CNTNAP2: variants seen among roughly 807,000 people sequenced by gnomAD.
CNTNAP2 encodes the protein contactin associated protein 2.
Under a neutral mutation model 155.2 loss-of-function variants are expected in CNTNAP2, and 98 were observed. The ratio of observed to expected loss-of-function variants is 0.63; its 90% confidence interval spans 0.54 to 0.75. The LOEUF (loss-of-function observed/expected upper bound fraction) is 0.75, where lower values mean the gene tolerates loss of function less well. Ranked by LOEUF, CNTNAP2 falls within the 30% of genes least tolerant of loss-of-function variation. The pLI is 0.00. For missense variants in CNTNAP2, 1,727 were observed against 1,688.1 expected (o/e 1.02, Z -0.40); for synonymous variants, 651 against 631.2 (o/e 1.03, Z -0.47).
chr7:147,618,084 T>C (rs1801325630), intron 12 of CNTNAP2, among the ~76,000 whole-genome samples: 1 of 152,192 alleles, frequency 6.6e-6, no homozygotes, highest in Non-Finnish European at 1.5e-5. Context: ...ATTATTAAGA[T>C]ACAGTTGCTA....
intron 3 of CNTNAP2, among the ~76,000 whole-genome samples, chr7:146,901,818 A>G (rs981355474): frequency 6.7e-6 from 1 of 148,466 alleles, no homozygotes; most frequent in Non-Finnish European, 1.5e-5. Context: ...ACTTTGAAGG[A>G]GTATATTTGT....
At chr7:146,923,296 A>C (rs143505920) in intron 3 of CNTNAP2, among the ~76,000 whole-genome samples, 244 of 152,316 alleles carry the variant, frequency 1.6e-3, no homozygotes, top group African/African-American at 5.6e-3. Context: ...TTTACTTAAC[A>C]CATGTTCACT....
At chr7:146,284,977 C>T (rs569626914) in intron 1 of CNTNAP2, among the ~76,000 whole-genome samples, 34 of 152,262 alleles carry the variant, frequency 2.2e-4, no homozygotes, top group African/African-American at 7.5e-4. Context: ...CATTTGGTTT[C>T]CCAATGATGT....
chr7:147,788,981 T>C (rs1797778912), intron 13 of CNTNAP2, among the ~76,000 whole-genome samples: 1 of 145,742 alleles, frequency 6.9e-6, no homozygotes, highest in Non-Finnish European at 1.5e-5. Flanking sequence ...CTTGGCTCAC[T>C]GCAACCTCTG....
intron 15 of CNTNAP2, among the ~76,000 whole-genome samples, chr7:148,086,908 G>A (rs1803743276): frequency 1.3e-5 from 2 of 152,038 alleles, no homozygotes. Context: ...TTACTACCAT[G>A]ATGTCTTCAC....
chr7:147,724,277 A>G (rs762378661), intron 13 of CNTNAP2, among the ~76,000 whole-genome samples: 14 of 152,008 alleles, frequency 9.2e-5, no homozygotes, highest in Non-Finnish European at 1.9e-4. Flanking sequence ...TATTTGTACA[A>G]TACAGGCTTT....
At chr7:147,072,782 G>A (rs531203781) in intron 4 of CNTNAP2, among the ~76,000 whole-genome samples, 4 of 148,514 alleles carry the variant, frequency 2.7e-5, no homozygotes, top group Non-Finnish European at 6.0e-5. Flanking sequence ...CACATCTGTT[G>A]TTTTTTTTAT....
intron 9 of CNTNAP2, among the ~76,000 whole-genome samples, chr7:147,346,049 C>T (rs1446513219): frequency 6.6e-6 from 1 of 152,108 alleles, no homozygotes; most frequent in Non-Finnish European, 1.5e-5. Flanking sequence ...AAACGTATTA[C>T]ATTTCTACAA....
intron 3 of CNTNAP2, among the ~76,000 whole-genome samples, chr7:146,948,580 A>T (rs1797241134): frequency 6.6e-6 from 1 of 152,194 alleles, no homozygotes; most frequent in Non-Finnish European, 1.5e-5. Flanking sequence ...AAACATTCCA[A>T]AACATATGTT....
In CNTNAP2 at chr7:147,229,794, A is replaced by G. The variant is rs146171450; in HGVS notation, c.1349-70347A>G. On this transcript the variant is annotated intron_variant, in intron 8 of 23. Coordinates refer to ENST00000361727, the MANE Select transcript of CNTNAP2 (RefSeq NM_014141.6). ...TCCTGATGTAACAAATACATATTAT[A>G]ACTGAAATTGCAATATAATAAATTA... Among the ~76,000 whole-genome samples, 641 of 152,352 alleles carry G rather than the reference A, an allele frequency of 4.2e-3. 3 individuals are homozygous for G. Among genetic ancestry groups the G allele is most frequent in the African/African-American group, 0.015 (608 of 41,570 alleles).
intron 4 of CNTNAP2, among the ~76,000 whole-genome samples, chr7:147,053,093 C>T (rs1010630094): frequency 6.6e-6 from 1 of 152,008 alleles, no homozygotes; most frequent in African/African-American, 2.4e-5. Flanking sequence ...CTGGTCTGTA[C>T]ATATAAATAT....
In CNTNAP2 at chr7:146,591,674, C is replaced by A. The variant is rs144991211; in HGVS notation, c.98-182597C>A. 2.7e-3 allele frequency among the ~76,000 whole-genome samples: 418 copies of A among 152,156 alleles called. 3 individuals are homozygous for A. Among genetic ancestry groups the A allele is most frequent in the African/African-American group, 9.4e-3 (392 of 41,522 alleles). Reference sequence around the variant, plus strand: ...TATCTATTTTATTGGCTTCTTTTTCCCAATGCAATATTTGTGATGAAGTGT... The same window carrying A: ...TATCTATTTTATTGGCTTCTTTTTCACAATGCAATATTTGTGATGAAGTGT... On this transcript the variant is annotated intron_variant, in intron 1 of 23. Coordinates refer to ENST00000361727, the MANE Select transcript of CNTNAP2 (RefSeq NM_014141.6).
intron 9 of CNTNAP2, among the ~76,000 whole-genome samples, chr7:147,305,496 T>C (rs1470757285): frequency 1.3e-5 from 2 of 152,192 alleles, no homozygotes; most frequent in African/African-American, 4.8e-5. Flanking sequence ...ACTTGCAGCA[T>C]CCCATTCAGA....
chr7:148,181,741 C>CTTTTTTTTTTTT lies in CNTNAP2; in HGVS notation c.3010+9286_3010+9297dup, dbSNP rs71527884. 2.9e-4 allele frequency among the ~76,000 whole-genome samples: 14 copies of CTTTTTTTTTTTT among 48,662 alleles called. 3 individuals are homozygous for CTTTTTTTTTTTT. The highest frequency in any genetic ancestry group is 9.1e-4 in the African/African-American group (10 of 11,008). The allele number at this position is 48,662 out of a possible 152,430, so 31.9% of individuals were successfully genotyped here. A position where few individuals can be genotyped will look rare whatever the true frequency, so the allele number is the denominator to read the frequency against. On this transcript the variant is annotated intron_variant, in intron 18 of 23. Coordinates refer to ENST00000361727, the MANE Select transcript of CNTNAP2 (RefSeq NM_014141.6). ...ATAACTTTTGTTTCAAGTGTGTGCC[C>CTTTTTTTTTTTT]TTTTTTTTTTTTTTTTTTTTTTTTT... is the stretch of plus-strand genomic sequence containing the variant.
At chr7:147,387,119 G>A (rs183205766) in intron 9 of CNTNAP2, among the ~76,000 whole-genome samples, 7 of 152,178 alleles carry the variant, frequency 4.6e-5, no homozygotes, top group Admixed American at 2.6e-4. Context: ...CCTCCCACTC[G>A]GTTTGTCCCA....
intron 14 of CNTNAP2, among the ~76,000 whole-genome samples, chr7:147,914,118 T>G (rs997927727): frequency 6.6e-6 from 1 of 151,356 alleles, no homozygotes; most frequent in Non-Finnish European, 1.5e-5. Context: ...GAAAATGATG[T>G]TATAAGGCTG....
intron 13 of CNTNAP2, among the ~76,000 whole-genome samples, chr7:147,737,950 G>C (rs902369091): frequency 3.3e-5 from 5 of 152,168 alleles, no homozygotes; most frequent in Non-Finnish European, 7.3e-5. Flanking sequence ...GGAATTCCCT[G>C]ACCCCTTGCA....
chr7:147,458,730 C>T (rs1330273130), intron 10 of CNTNAP2, among the ~76,000 whole-genome samples: 1 of 152,178 alleles, frequency 6.6e-6, no homozygotes, highest in Admixed American at 6.5e-5. Context: ...ATCGGAATCT[C>T]ATTTATCCCA....
intron 22 of CNTNAP2, among the ~76,000 whole-genome samples, chr7:148,388,278 G>A (rs113495034): frequency 6.7e-6 from 1 of 148,930 alleles, no homozygotes; most frequent in Admixed American, 6.7e-5. Context: ...ATATCTCCCA[G>A]TGCTATCCCT....
Sources: allele counts gnomAD v4.1 joint callset (sites outside exome capture counted in the v4.1 genomes callset), GRCh38; gene constraint gnomAD v4.1.1; transcripts MANE v1.5; gene names NCBI Gene and HGNC (gene_info 2026-07-23, HGNC 2026-07-21).